The following UNC13C variants were observed in gnomAD, a reference collection of about 807,000 sequenced individuals.
The protein encoded by UNC13C is protein unc-13 homolog C.
A neutral mutation model predicts 245.4 loss-of-function variants in UNC13C; 174 were observed. The ratio of observed to expected loss-of-function variants is 0.71; its 90% CI spans 0.63 to 0.80. UNC13C has a LOEUF of 0.80. Ranked by LOEUF, UNC13C falls within the 30% of genes least tolerant of loss-of-function variation. The pLI, the probability that UNC13C is intolerant of heterozygous loss-of-function variation, is 0.00. For missense variants in UNC13C, 2,829 were observed against 2,602.9 expected, an observed-to-expected ratio of 1.09 and a Z score of -1.89; for synonymous variants, 992 against 895.1, an observed-to-expected ratio of 1.11 and a Z score of -1.93.
intron 4 of UNC13C, among the ~76,000 whole-genome samples, chr15:54,158,518 A>C (rs1299336251): frequency 1.3e-5 from 2 of 151,984 alleles, no homozygotes; most frequent in Non-Finnish European, 2.9e-5. Flanking sequence ...ACGGGATTTC[A>C]CTATGTTAGC....
At chr15:54,174,323 C>A (rs1300679614) in intron 4 of UNC13C, among the ~76,000 whole-genome samples, 2 of 152,034 alleles carry the variant, frequency 1.3e-5, no homozygotes, top group African/African-American at 2.4e-5. Flanking sequence ...AAATAGTTTT[C>A]TTTTATACAA....
chr15:54,194,712 G>T (rs8027981), intron 4 of UNC13C, among the ~76,000 whole-genome samples: 19,871 of 152,038 alleles, frequency 0.13, 2,334 homozygotes, highest in African/African-American at 0.31. Flanking sequence ...TGAAATGGAG[G>T]GGGATACCAC....
chr15:54,047,644 T>C lies in UNC13C; in HGVS notation c.2983+31758T>C, dbSNP rs560656532. ...GTATTGTACCACATTTGTTTATCCATTCACGATAGATATTTGAGTTGTTTC... is the reference window on the plus strand; with the variant it reads ...GTATTGTACCACATTTGTTTATCCACTCACGATAGATATTTGAGTTGTTTC... On this transcript the variant is annotated intron_variant, in intron 2 of 32. Coordinates refer to ENST00000260323, the MANE Select transcript of UNC13C (RefSeq NM_001080534.3). Among the ~76,000 whole-genome samples, 12 of 152,316 alleles carry C rather than the reference T, an allele frequency of 7.9e-5. No homozygotes were observed. The East Asian group carries it at 2.1e-3, about 27-fold the overall frequency.
chr15:53,928,284 T>C, the UNC13C span, among the ~76,000 whole-genome samples: 1 of 152,204 alleles, frequency 6.6e-6, no homozygotes, highest in African/African-American at 2.4e-5. Flanking sequence ...TTATGGGAAA[T>C]GAAGGGATGG....
intron 4 of UNC13C, among the ~76,000 whole-genome samples, chr15:54,189,168 G>T (rs75266938): frequency 0.052 from 7,952 of 152,082 alleles, 259 homozygotes; most frequent in East Asian, 0.099. Context: ...TAGATGAAAA[G>T]CTCATTTTCT....
At chr15:54,306,088 G>C (rs71474868) in intron 13 of UNC13C, among the ~76,000 whole-genome samples, 10,995 of 152,062 alleles carry the variant, frequency 0.072, 460 homozygotes, top group Admixed American at 0.12. Flanking sequence ...TCAGACAAAA[G>C]AGTCTGAAAC....
chr15:54,088,093 A>G (rs191162751), intron 2 of UNC13C, among the ~76,000 whole-genome samples: 1 of 152,032 alleles, frequency 6.6e-6, no homozygotes, highest in Admixed American at 6.5e-5. Flanking sequence ...AAAATGCCTT[A>G]AAATTCCTAT....
At chr15:53,989,993 A>G (rs1233575047) in intron 1 of UNC13C, among the ~76,000 whole-genome samples, 1 of 151,992 alleles carries the variant, frequency 6.6e-6, no homozygotes, top group Non-Finnish European at 1.5e-5. Context: ...ATTATTCCTA[A>G]GCAGGTTAAA....
chr15:54,419,795 C>G (rs1396214949), intron 19 of UNC13C, among the ~76,000 whole-genome samples: 2 of 151,950 alleles, frequency 1.3e-5, no homozygotes, highest in East Asian at 3.9e-4. Flanking sequence ...TTTTTTGTTT[C>G]AGATGGTATT....
At chr15:54,529,376 A>G (rs1214139487) in intron 25 of UNC13C, among the ~76,000 whole-genome samples, 1 of 152,224 alleles carries the variant, frequency 6.6e-6, no homozygotes. Context: ...AAATATGTAT[A>G]TGGAAAACCA....
At chr15:54,331,984 T>C in intron 14 of UNC13C, 59 bp from the exon 15 acceptor site, 1 of 1,078,526 alleles carries the variant, frequency 9.3e-7, no homozygotes, top group Non-Finnish European at 1.3e-6. Flanking sequence ...AGAATTATTA[T>C]GAGGTCTTTA....
the UNC13C span, among the ~76,000 whole-genome samples, chr15:53,969,524 A>T: frequency 6.6e-6 from 1 of 151,872 alleles, no homozygotes; most frequent in Non-Finnish European, 1.5e-5. Flanking sequence ...CTCTATAAAA[A>T]ATTTTTAAAA....
At chr15:54,018,278 G>A (rs1050849601) in intron 2 of UNC13C, among the ~76,000 whole-genome samples, 2 of 152,190 alleles carry the variant, frequency 1.3e-5, no homozygotes, top group Non-Finnish European at 2.9e-5. Context: ...TAGTTATCAC[G>A]AGGTAGCAGT....
At chr15:54,216,302 AT>A (rs1389651886) in intron 4 of UNC13C, among the ~76,000 whole-genome samples, 1 of 151,936 alleles carries the variant, frequency 6.6e-6, no homozygotes, top group East Asian at 1.9e-4. Context: ...GGAATATAGC[AT>A]TTTTTAGGTT....
rs138193736 is a variant in UNC13C at position 54,486,347 on chromosome 15, G to A, written c.4934-8261G>A. Among the ~76,000 whole-genome samples, 210 of 150,012 alleles carry A rather than the reference G, an allele frequency of 1.4e-3. 1 individual carries two copies. The highest frequency in any genetic ancestry group is 4.5e-3 in the African/African-American group (183 of 40,690). On this transcript the variant is annotated intron_variant, in intron 19 of 32. Coordinates refer to ENST00000260323, the MANE Select transcript of UNC13C (RefSeq NM_001080534.3). ...AGCTGCTCCAGAGGCTGAAGCAGGC[G>A]AATCACTTGAACCCCCAGGAGGTGG...
chr15:53,985,826 G>A (rs1894116213), intron 1 of UNC13C, among the ~76,000 whole-genome samples: 1 of 151,926 alleles, frequency 6.6e-6, no homozygotes, highest in African/African-American at 2.4e-5. Context: ...TCTGGTTTTT[G>A]TAGTAACAAT....
At chr15:54,050,267 G>A (rs562393716) in intron 2 of UNC13C, 170 of 561,554 alleles carry the variant, frequency 3.0e-4, no homozygotes, top group Non-Finnish European at 4.8e-4. Context: ...CCACTGTGTC[G>A]GCCACTGAAG....
intron 2 of UNC13C, among the ~76,000 whole-genome samples, chr15:54,120,619 C>T (rs1446026263): frequency 6.6e-6 from 1 of 151,920 alleles, no homozygotes; most frequent in Non-Finnish European, 1.5e-5. Context: ...CTATAGCTGC[C>T]AAACATAGTG....
rs60219899 is a variant in UNC13C, at chr15:54,401,705, G to T, written c.4847+8524G>T. ...AAGAATAGCAGAGTCACGTACTGGA[G>T]GACTTTGTGCCTGATGATCCCCATC... On this transcript the variant is annotated intron_variant, in intron 18 of 32. Coordinates refer to ENST00000260323, the MANE Select transcript of UNC13C (RefSeq NM_001080534.3). 4.5e-3 allele frequency among the ~76,000 whole-genome samples: 687 copies of T among 152,204 alleles called. 34 individuals carry two copies. The East Asian group carries it at 0.099, about 22-fold the overall frequency.
Sources: allele counts gnomAD v4.1 joint callset (sites outside exome capture counted in the v4.1 genomes callset), GRCh38; gene constraint gnomAD v4.1.1; transcripts MANE v1.5; gene names NCBI Gene and HGNC (gene_info 2026-07-23, HGNC 2026-07-21).